HHLA1: variants seen among roughly 807,000 people sequenced by gnomAD.
The protein encoded by HHLA1 is HHLA1 neighbor of OC90, also known as HERV-H LTR-associating protein 1.
A neutral mutation model predicts 69.9 loss-of-function variants in HHLA1; 72 were observed. The ratio of observed to expected loss-of-function variants is 1.03; its 90% CI spans 0.85 to 1.25. The LOEUF (loss-of-function observed/expected upper bound fraction) is 1.25. HHLA1 is among the 50% of genes most tolerant of loss of function. HHLA1 has a pLI of 0.00. For synonymous variants in HHLA1, 252 were observed against 233.2 expected (o/e 1.08, Z -0.73); for missense variants, 685 against 642.2 (o/e 1.07, Z -0.72).
In HHLA1 at chr8:132,089,573, T is replaced by G; in HGVS notation, c.475A>C (p.Ile159Leu). ...SDFTALLVDI[I>L]GNSTSYLTEI... is the part of the protein sequence containing the mutation. ...GTGAGGTAGCTGGTAGAATTGCCGATGATATCTACCAGTAGAGCTGTAAAA... is the reference window on the plus strand; with the variant it reads ...GTGAGGTAGCTGGTAGAATTGCCGAGGATATCTACCAGTAGAGCTGTAAAA... The change falls in exon 8 of 17, where the codon ATC (isoleucine) becomes CTC (leucine). Residue 159 changes from isoleucine to leucine, a missense_variant. Transcript: ENST00000414222. 6.7e-7 allele frequency: 1 copy of G among 1,502,486 alleles called. No individual in the cohort carries two copies. Among genetic ancestry groups the G allele is most frequent in the Non-Finnish European group, 9.1e-7 (1 of 1,101,940 alleles). 93.1% of individuals were successfully genotyped at this position (1,502,486 alleles called of 1,614,324 possible).
chr8:132,071,207 T>C (rs1384992383), intron 15 of HHLA1, 133 bp downstream of exon 15: 7 of 686,962 alleles, frequency 1.0e-5, no homozygotes, highest in African/African-American at 3.6e-5. Context: ...GAGAGTCCCT[T>C]ACCTTGAGGT....
chr8:132,073,157 C>G (rs1823577480), intron 14 of HHLA1, among the ~76,000 whole-genome samples: 1 of 151,766 alleles, frequency 6.6e-6, no homozygotes, highest in Non-Finnish European at 1.5e-5. Flanking sequence ...TTTTTTATTT[C>G]TTGTAGAGAT....
intron 7 of HHLA1, among the ~76,000 whole-genome samples, chr8:132,089,927 T>C (rs994011361): frequency 1.3e-5 from 2 of 152,200 alleles, no homozygotes; most frequent in Non-Finnish European, 1.5e-5. Flanking sequence ...CCCCATTGTT[T>C]CGTCTAATTG....
At chr8:132,096,753 TGAA>T (rs753014388) in intron 5 of HHLA1, among the ~76,000 whole-genome samples, 4 of 152,032 alleles carry the variant, frequency 2.6e-5, no homozygotes, top group Non-Finnish European at 5.9e-5. Flanking sequence ...AATCAGATGG[TGAA>T]GAAAGGGGAA....
At chr8:132,084,215 G>A (rs1237702961) in intron 10 of HHLA1, among the ~76,000 whole-genome samples, 3 of 151,978 alleles carry the variant, frequency 2.0e-5, no homozygotes, top group African/African-American at 7.3e-5. Flanking sequence ...TGTGAGGAGG[G>A]GAGGTGATAA....
At position 132,076,112 on chromosome 8, in the gene HHLA1, ACT is replaced by A; in HGVS notation, c.1256_1257del (p.Glu419ValfsTer7). 6.4e-7 allele frequency: 1 copy of A among 1,551,262 alleles called. No individual in the cohort carries two copies. The highest frequency in any genetic ancestry group is 2.4e-5 in the East Asian group (1 of 40,916). ...GGCTCTTCACCAGCAGTGAATGGCCACTCTGCAGAGAGATCACCTGCAAAGGG... is the reference window on the plus strand; with the variant it reads ...GGCTCTTCACCAGCAGTGAATGGCCACTGCAGAGAGATCACCTGCAAAGGG... ...RYPQTGDLSA[E>X]WPFTAGEEPV... On this transcript the variant is annotated frameshift_variant, in exon 14 of 17. Coordinates refer to ENST00000414222, the MANE Select transcript of HHLA1 (RefSeq NM_001145095.3). LOFTEE classifies it high-confidence loss of function.
In HHLA1 at chr8:132,090,174, C is replaced by G. The variant is rs145824996; in HGVS notation, c.449-575G>C. 1.6e-3 allele frequency among the ~76,000 whole-genome samples: 238 copies of G among 152,260 alleles called. 1 individual carries two copies. The highest frequency in any genetic ancestry group is 4.6e-3 in the African/African-American group (192 of 41,550). On this transcript the variant is annotated intron_variant, in intron 7 of 16. Transcript: ENST00000414222. ...TGGTGGGGAGTGGTGTCTGAGATAA[C>G]TTTTTCAGCATTTCAGGTTATAGAA...
Position 132,088,044 on chromosome 8 carries a change from C to T in HHLA1, c.533-143G>A, listed in dbSNP as rs547508215. 12 of 669,138 alleles carry T rather than the reference C, an allele frequency of 1.8e-5. No individual in the cohort carries two copies. The South Asian group carries it at 1.9e-4, about 11-fold the overall frequency. 41.5% of individuals were successfully genotyped at this position (669,138 alleles called of 1,614,324 possible). ...CTGACTCTTTACTCTTAAGGCAGTC[C>T]TCATTTTCCAATTTCTTTATTTTAT... On this transcript the variant is annotated intron_variant, in intron 8 of 16. Transcript: ENST00000414222.
intron 1 of HHLA1, among the ~76,000 whole-genome samples, chr8:132,110,425 A>G (rs1195482063): frequency 6.6e-6 from 1 of 152,222 alleles, no homozygotes; most frequent in Non-Finnish European, 1.5e-5. Context: ...AGAGAACACC[A>G]AAAGGTGAGG....
At chr8:132,072,788 T>C (rs1464228613) in intron 14 of HHLA1, among the ~76,000 whole-genome samples, 2 of 152,184 alleles carry the variant, frequency 1.3e-5, no homozygotes, top group Non-Finnish European at 2.9e-5. Context: ...TAGCAAGGGG[T>C]AGATGTTAAC....
At chr8:132,106,780 C>T (rs887329929) in intron 1 of HHLA1, among the ~76,000 whole-genome samples, 11 of 152,188 alleles carry the variant, frequency 7.2e-5, no homozygotes, top group African/African-American at 2.7e-4. Context: ...GAGAGATGGA[C>T]AGGGAGAGAG....
At chr8:132,099,249 A>C (rs528884469) in intron 4 of HHLA1, among the ~76,000 whole-genome samples, 15 of 152,364 alleles carry the variant, frequency 9.8e-5, no homozygotes, top group Admixed American at 3.9e-4. Flanking sequence ...CTCGGGACTC[A>C]TATAAAAGGT....
At chr8:132,074,746 A>G (rs1823605688) in intron 14 of HHLA1, among the ~76,000 whole-genome samples, 2 of 152,230 alleles carry the variant, frequency 1.3e-5, no homozygotes, top group African/African-American at 4.8e-5. Flanking sequence ...AGAAATAAAG[A>G]TAACCAGATA....
chr8:132,096,218 G>A (rs562865409), intron 5 of HHLA1, among the ~76,000 whole-genome samples: 3 of 152,296 alleles, frequency 2.0e-5, no homozygotes, highest in Admixed American at 6.5e-5. Flanking sequence ...CAGCTCTGGC[G>A]GCTGCCTGTG....
In HHLA1 at chr8:132,085,534, G is replaced by A. The variant is rs181191426; in HGVS notation, c.676+2119C>T. 725 of 298,150 alleles carry A rather than the reference G, an allele frequency of 2.4e-3. 3 individuals are homozygous for A. Among genetic ancestry groups the A allele is most frequent in the African/African-American group, 0.015 (671 of 43,346 alleles). The allele number at this position is 298,150 out of a possible 1,614,324, so 18.5% of individuals were successfully genotyped here. On this transcript the variant is annotated intron_variant, in intron 10 of 16. Coordinates refer to ENST00000414222, the MANE Select transcript of HHLA1 (RefSeq NM_001145095.3). ...TTTCCCAAGGGAGGTCCCCCGATCC[G>A]AGTGACGGCACCAAATTTCATGCGC... is the stretch of plus-strand genomic sequence containing the variant.
chr8:132,092,446 G>A (rs1823961475), intron 7 of HHLA1, among the ~76,000 whole-genome samples: 1 of 152,184 alleles, frequency 6.6e-6, no homozygotes, highest in African/African-American at 2.4e-5. Flanking sequence ...CAATGCTGGA[G>A]GTGAGGCGTG....
At chr8:132,070,402 C>T (rs1823513224) in intron 15 of HHLA1, 1 of 701,736 alleles carries the variant, frequency 1.4e-6, no homozygotes, top group Non-Finnish European at 2.6e-6. Flanking sequence ...ATAGACATAT[C>T]TTCTAATTAT....
chr8:132,107,241 T>C (rs1436521840), intron 1 of HHLA1, among the ~76,000 whole-genome samples: 1 of 152,204 alleles, frequency 6.6e-6, no homozygotes, highest in Non-Finnish European at 1.5e-5. Flanking sequence ...TGACTCTTGC[T>C]TCATTATGTT....
intron 1 of HHLA1, among the ~76,000 whole-genome samples, chr8:132,109,751 T>C (rs959088288): frequency 6.6e-6 from 1 of 152,170 alleles, no homozygotes; most frequent in African/African-American, 2.4e-5. Flanking sequence ...GTCCACAGTG[T>C]TCTGTTTTAC....
Sources: gnomAD v4.1 joint callset for allele counts (sites outside exome capture counted in the v4.1 genomes callset) on GRCh38, gnomAD v4.1.1 for gene constraint, MANE v1.5 for transcripts, NCBI Gene and HGNC (gene_info 2026-07-23, HGNC 2026-07-21) for gene names.